COL18A1: variants seen among roughly 807,000 people sequenced by gnomAD.
The protein encoded by COL18A1 is collagen alpha-1(XVIII) chain.
COL18A1 carries 133 observed loss-of-function variants against 168.0 expected under a neutral mutation model. That is an observed-to-expected ratio of 0.79 (90% CI 0.69 to 0.91). The LOEUF (loss-of-function observed/expected upper bound fraction) is 0.91. Among genes scored for constraint, COL18A1 ranks in the 40% least tolerant of loss-of-function variants. The probability of loss-of-function intolerance (pLI) is 0.00; values close to 1 mark genes in which losing one functional copy is unlikely to be tolerated. For synonymous variants in COL18A1, 949 were observed against 809.0 expected (o/e 1.17, Z -2.94); for missense variants, 2,126 against 1,925.4 (o/e 1.10, Z -1.95).
intron 2 of COL18A1, among the ~76,000 whole-genome samples, chr21:45,426,005 A>G (rs562790217): frequency 1.3e-5 from 2 of 152,214 alleles, no homozygotes; most frequent in Admixed American, 6.5e-5. Context: ...TTTAGAGAGC[A>G]CTGCCCCCGC....
At chr21:45,460,279 G>A (rs1216512416) in intron 2 of COL18A1, among the ~76,000 whole-genome samples, 5 of 152,202 alleles carry the variant, frequency 3.3e-5, no homozygotes, top group Non-Finnish European at 5.9e-5. Context: ...GACCAGTGCC[G>A]GGATGGATAG....
intron 13 of COL18A1, 67 bp from the exon 14 acceptor site, chr21:45,481,896 T>C: frequency 8.7e-7 from 1 of 1,148,536 alleles, no homozygotes; most frequent in Admixed American, 1.7e-5. Context: ...CCAGATAACC[T>C]GTTAACCCAG....
At chr21:45,454,123 A>T (rs2034720690) in intron 2 of COL18A1, among the ~76,000 whole-genome samples, 1 of 152,082 alleles carries the variant, frequency 6.6e-6, no homozygotes, top group South Asian at 2.1e-4. Flanking sequence ...CAGTGTGGGG[A>T]TTCGTTTTGG....
chr21:45,493,738 C>G, intron 26 of COL18A1, 163 bp downstream of exon 26: 2 of 623,356 alleles, frequency 3.2e-6, no homozygotes, highest in South Asian at 3.9e-5. Context: ...CTTTCTCGCA[C>G]CCATGTCGGC....
chr21:45,414,786 G>A (rs1403109239), intron 2 of COL18A1, among the ~76,000 whole-genome samples: 5 of 152,214 alleles, frequency 3.3e-5, no homozygotes, highest in Non-Finnish European at 5.9e-5. Context: ...ATAGAAGGCC[G>A]AATACTGACC....
intron 15 of COL18A1, 89 bp downstream of exon 15, chr21:45,482,910 CGA>C: frequency 6.3e-7 from 1 of 1,592,660 alleles, no homozygotes; most frequent in South Asian, 1.1e-5. Flanking sequence ...GCCCCACGGT[CGA>C]GAGAGTGAGC....
chr21:45,470,492 GTTT>G (rs71185152), intron 3 of COL18A1, among the ~76,000 whole-genome samples: 4 of 40,822 alleles, frequency 9.8e-5, no homozygotes, highest in Non-Finnish European at 1.8e-4. Context: ...TTTTTTTTTT[GTTT>G]TTTTTTTTTT....
Position 45,480,721 on chromosome 21 carries a change from C to G in COL18A1, c.1474C>G (p.Pro492Ala). 1 of 1,610,768 alleles carries G rather than the reference C, an allele frequency of 6.2e-7. No individual in the cohort carries two copies. The highest frequency in any genetic ancestry group is 8.5e-7 in the Non-Finnish European group (1 of 1,179,922). ...ALRGPRGFPG[P>A]PGPPGVPGLP... is the part of the protein sequence containing the mutation. ...CCAGGGTCCTCGAGGCTTCCCTGGA[C>G]CTCCCGGACCCCCCGGTGTCCCAGG... Residue 492 changes from proline (P) to alanine (A), a missense_variant, in exon 13 of 42, where the codon CCT becomes GCT. Transcript: ENST00000651438.
chr21:45,506,145 G>T (rs1192554844), intron 37 of COL18A1, 179 bp downstream of exon 37: 6 of 939,464 alleles, frequency 6.4e-6, no homozygotes, highest in Non-Finnish European at 9.6e-6. Flanking sequence ...GCAGTTTTGG[G>T]TTTAAAGAAA....
At chr21:45,434,797 A>G (rs1000563215) in intron 2 of COL18A1, among the ~76,000 whole-genome samples, 1 of 152,298 alleles carries the variant, frequency 6.6e-6, no homozygotes, top group Non-Finnish European at 1.5e-5. Context: ...TGCAGCCCCC[A>G]GAGCCGGGCT....
Position 45,485,180 on chromosome 21 carries a change from T to TTTTTTTTTA in COL18A1, c.1702-1681_1702-1680insTTTTTTTTA, listed in dbSNP as rs2036067199. ...TTTTTTTTTTTTTTTTTTTTTTTTT[T>TTTTTTTTTA]AGTAGAGGCAGGGTTTCGTCATGAT... On this transcript the variant is annotated intron_variant, in intron 15 of 41. Transcript: ENST00000651438. Among the ~76,000 whole-genome samples the TTTTTTTTTA allele has an allele frequency of 3.0e-5, 4 of 134,198 alleles. No individual in the cohort carries two copies. The East Asian group carries it at 8.5e-4, about 28-fold the overall frequency. The allele number at this position is 134,198 out of a possible 152,430, so 88.0% of individuals were successfully genotyped here.
In COL18A1 at chr21:45,491,220, TC is replaced by T. The variant is rs745516333; in HGVS notation, c.2068-3del. On this transcript the variant is annotated splice_polypyrimidine_tract_variant and splice_region_variant and intron_variant, in intron 21 of 41. Transcript: ENST00000651438. ...AAATGCCGGACGCGTGGCCTCCTCTTCCAGGGAGATCCAGGGAAGGACGGAG... is the reference window on the plus strand; with the variant it reads ...AAATGCCGGACGCGTGGCCTCCTCTTCAGGGAGATCCAGGGAAGGACGGAG... 11 of 1,611,074 alleles carry T rather than the reference TC, an allele frequency of 6.8e-6. No individual in the cohort carries two copies. Among genetic ancestry groups the T allele is most frequent in the African/African-American group, 1.3e-5 (1 of 74,968 alleles).
rs751013760 is a variant in COL18A1 at position 45,438,169 on chromosome 21, TAC to T, written c.107-30066_107-30065del. On this transcript the variant is annotated intron_variant, in intron 2 of 41. Coordinates refer to ENST00000651438, the MANE Select transcript of COL18A1 (RefSeq NM_001379500.1). ...ACTCAGACACAGGCACTCTCCTGCA[TAC>T]ACACACTCACACTCAGACACACAGG... 6.3e-4 allele frequency among the ~76,000 whole-genome samples: 31 copies of T among 49,262 alleles called. 1 individual carries two copies. The highest frequency in any genetic ancestry group is 5.1e-3 in the East Asian group (7 of 1,372). 32.3% of individuals were successfully genotyped at this position (49,262 alleles called of 152,430 possible).
In COL18A1 at chr21:45,494,885, C is replaced by T. The variant is rs1444364778; in HGVS notation, c.2403C>T (p.Tyr801=). 1.2e-6 allele frequency: 2 copies of T among 1,610,882 alleles called. No individual in the cohort carries two copies. Among genetic ancestry groups the T allele is most frequent in the Admixed American group, 3.3e-5 (2 of 59,872 alleles). ...AGGGTCCATACGGACGGCCGGGGTA[C>T]AAGGGAGAGATTGGCTTTCCTGGAC... The part of the protein sequence containing the change: ...GPPGPYGRPG[Y]KGEIGFPGRP... The change falls in exon 28 of 42, where the codon TAC becomes TAT. Residue 801 remains tyrosine, a synonymous_variant. Coordinates refer to ENST00000651438, the MANE Select transcript of COL18A1 (RefSeq NM_001379500.1).
Position 45,498,548 on chromosome 21 carries a change from G to T in COL18A1, c.2683+887G>T. The T allele has an allele frequency of 1.4e-6, 1 of 716,916 alleles. No homozygotes were observed. The highest frequency in any genetic ancestry group is 1.7e-5 in the African/African-American group (1 of 57,354). The allele number at this position is 716,916 out of a possible 1,614,324, so 44.4% of individuals were successfully genotyped here. The stretch of plus-strand genomic sequence containing the variant: ...CGCCATACCTGCTCTTGCTGGGGCT[G>T]CACTCTGGGGTGGGAAGGGACCAGG... On this transcript the variant is annotated intron_variant, in intron 32 of 41. Coordinates refer to ENST00000651438, the MANE Select transcript of COL18A1 (RefSeq NM_001379500.1). This position sits in a 1 kb window ranked among gnomAD's most constrained non-coding sequence, Gnocchi z 4.5.
Position 45,493,159 on chromosome 21 carries a change from CCAGGGACCTG to C in COL18A1, c.2216_2225del (p.Gly739AspfsTer75). On this transcript the variant is annotated splice_acceptor_variant and splice_polypyrimidine_tract_variant and coding_sequence_variant and intron_variant, in exon 25 of 42. Transcript: ENST00000651438. LOFTEE classifies it high-confidence loss of function. ...CGGGCCTCACGGCCTGGCCTCCATT[CCAGGGACCTG>C]CAGGACCCAAGGGCAACCTGGGCTC... The C allele has an allele frequency of 6.4e-7, 1 of 1,556,040 alleles. No individual in the cohort carries two copies. The highest frequency in any genetic ancestry group is 8.7e-7 in the Non-Finnish European group (1 of 1,149,958).
chr21:45,453,289 G>GCA (rs2034692182), intron 2 of COL18A1, among the ~76,000 whole-genome samples: 2 of 152,214 alleles, frequency 1.3e-5, no homozygotes, highest in African/African-American at 4.8e-5. Flanking sequence ...GTACATGTGT[G>GCA]GGGGCTTGTG....
Position 45,505,976 on chromosome 21 carries a change from C to G in COL18A1, c.3216+10C>G, listed in dbSNP as rs373291504. The G allele has an allele frequency of 1.6e-5, 26 of 1,613,042 alleles. No individual in the cohort carries two copies. Among genetic ancestry groups the G allele is most frequent in the African/African-American group, 4.0e-5 (3 of 75,064 alleles). Reference sequence around the variant, plus strand: ...GTTCCGGAAGGTCCAGGTGAGCGCTCTGTGTGACGGGTTCTGGACCCGTGG... The same window carrying G: ...GTTCCGGAAGGTCCAGGTGAGCGCTGTGTGTGACGGGTTCTGGACCCGTGG... On this transcript the variant is annotated intron_variant, in intron 37 of 41. Transcript: ENST00000651438.
In COL18A1 at chr21:45,486,980, C is replaced by A; in HGVS notation, c.1821C>A (p.Leu607=). 1 of 1,519,244 alleles carries A rather than the reference C, an allele frequency of 6.6e-7. No individual in the cohort carries two copies. Among genetic ancestry groups the A allele is most frequent in the Non-Finnish European group, 8.8e-7 (1 of 1,140,564 alleles). 94.1% of individuals were successfully genotyped at this position (1,519,244 alleles called of 1,614,324 possible). A position where few individuals can be genotyped will look rare whatever the true frequency, so the allele number is the denominator to read the frequency against. ...PGPPGPPGPG[L]PAGFDDMEGS... is the part of the protein sequence containing the mutation. ...CCCCTGGGCCCCCAGGACCAGGACT[C>A]CCCGCTGGATTTGTGAGTACCGCCT... The change falls in exon 16 of 42, where the codon CTC becomes CTA. Residue 607 remains leucine, a synonymous_variant. Coordinates refer to ENST00000651438, the MANE Select transcript of COL18A1 (RefSeq NM_001379500.1).
Sources: allele counts gnomAD v4.1 joint callset (sites outside exome capture counted in the v4.1 genomes callset), GRCh38; gene constraint gnomAD v4.1.1; non-coding constraint Gnocchi (gnomAD v3.1); transcripts MANE v1.5; gene names NCBI Gene and HGNC (gene_info 2026-07-23, HGNC 2026-07-21).